ACTN4: variants seen among roughly 807,000 people sequenced by gnomAD.
The protein encoded by ACTN4 is actinin alpha 4, also known as alpha-actinin-4.
A neutral mutation model predicts 114.2 loss-of-function variants in ACTN4; 18 were observed. The ratio of observed to expected loss-of-function variants is 0.16; its 90% CI spans 0.11 to 0.23. ACTN4 has a LOEUF of 0.23. Among genes scored for constraint, ACTN4 ranks in the 10% least tolerant of loss-of-function variants. The pLI is 1.00. For synonymous variants in ACTN4, 515 were observed against 506.3 expected, an observed-to-expected ratio of 1.02 and a Z score of -0.23; for missense variants, 722 against 1,262.9, an observed-to-expected ratio of 0.57 and a Z score of 6.49.
chr19:38,721,076 C>G (rs1969023393), intron 11 of ACTN4, among the ~76,000 whole-genome samples: 1 of 152,248 alleles, frequency 6.6e-6, no homozygotes, highest in African/African-American at 2.4e-5. Context: ...GAGAGGACCA[C>G]CACCTGTGCG....
At chr19:38,701,266 C>T in intron 3 of ACTN4, 145 bp downstream of exon 3, 1 of 1,352,590 alleles carries the variant, frequency 7.4e-7, no homozygotes, top group Non-Finnish European at 1.0e-6. Context: ...CAGCAGTGAT[C>T]ACAACAACTG....
intron 1 of ACTN4, among the ~76,000 whole-genome samples, chr19:38,655,784 C>G (rs1177073457): frequency 6.6e-6 from 1 of 152,204 alleles, no homozygotes; most frequent in Non-Finnish European, 1.5e-5. Context: ...CACAGATGCT[C>G]AAGTTCCTTA....
At chr19:38,703,685 G>A (rs997369938) in intron 3 of ACTN4, among the ~76,000 whole-genome samples, 3 of 152,156 alleles carry the variant, frequency 2.0e-5, no homozygotes, top group African/African-American at 4.8e-5. Context: ...GAGCAGCCCC[G>A]CCCTCACGAG....
rs755318100 is a variant in ACTN4, at chr19:38,717,932, C to G, written c.1149C>G (p.Ile383Met). 2 of 1,599,440 alleles carry G rather than the reference C, an allele frequency of 1.3e-6. No homozygotes were observed. The highest frequency in any genetic ancestry group is 1.7e-6 in the Non-Finnish European group (2 of 1,172,614). ...CTGCTCCTGCCCTGCCCCAGGACAT[C>G]AACAATGGCTGGCAGCACTTGGAGC... ...MPSEGKMVSD[I>M]NNGWQHLEQA... Residue 383 changes from isoleucine to methionine, a missense_variant, in exon 11 of 21, where the codon ATC becomes ATG. Physicochemically the swap from Ile to Met is conservative, Grantham distance 10 (BLOSUM62 1). Around this residue, in one of 3 missense-constraint regions of ACTN4, gnomAD observed 523 missense variants for 875.9 expected, o/e 0.60. Coordinates refer to ENST00000252699, the MANE Select transcript of ACTN4 (RefSeq NM_004924.6). This position sits in a 1 kb window ranked among gnomAD's most constrained non-coding sequence, Gnocchi z 4.0.
chr19:38,649,297 T>G, intron 1 of ACTN4, among the ~76,000 whole-genome samples: 1 of 76,130 alleles, frequency 1.3e-5, no homozygotes, highest in Admixed American at 1.9e-4. Context: ...TCCAGTGTGG[T>G]TGAGGGGGGA....
chr19:38,663,042 TG>T (rs1485880465), intron 1 of ACTN4, among the ~76,000 whole-genome samples: 1 of 152,050 alleles, frequency 6.6e-6, no homozygotes, highest in East Asian at 1.9e-4. Flanking sequence ...CCCAAGTAGC[TG>T]GGATTACAGG....
chr19:38,666,107 G>T (rs115125903), intron 1 of ACTN4, among the ~76,000 whole-genome samples: 7,425 of 152,134 alleles, frequency 0.049, 203 homozygotes, highest in Middle Eastern at 0.075. Flanking sequence ...CCCCTTCCAG[G>T]CCTCTTCCCA....
intron 8 of ACTN4, among the ~76,000 whole-genome samples, chr19:38,710,672 G>C (rs551128480): frequency 3.9e-5 from 6 of 152,226 alleles, no homozygotes; most frequent in Non-Finnish European, 8.8e-5. Flanking sequence ...GGGGCCAGAT[G>C]GGGGACAGAG....
intron 3 of ACTN4, among the ~76,000 whole-genome samples, chr19:38,701,336 G>C (rs192857881): frequency 6.6e-6 from 1 of 152,118 alleles, no homozygotes. Flanking sequence ...TCCGGTGGGC[G>C]CAGTCCAAAT....
At chr19:38,720,037 T>C (rs904662585) in intron 11 of ACTN4, among the ~76,000 whole-genome samples, 2 of 152,230 alleles carry the variant, frequency 1.3e-5, no homozygotes, top group African/African-American at 4.8e-5. Flanking sequence ...GCTGGCCTAC[T>C]AATTCCCAAG....
At chr19:38,690,047 G>T (rs1947138897) in intron 1 of ACTN4, among the ~76,000 whole-genome samples, 2 of 152,328 alleles carry the variant, frequency 1.3e-5, no homozygotes, top group East Asian at 1.9e-4. Flanking sequence ...TAGGTTAAAA[G>T]CAGGAGGTAA....
intron 3 of ACTN4, among the ~76,000 whole-genome samples, chr19:38,702,505 C>T (rs963500994): frequency 1.3e-5 from 2 of 152,198 alleles, no homozygotes; most frequent in African/African-American, 2.4e-5. Context: ...CTCTCCTCAC[C>T]GGAACTCCAT....
At chr19:38,725,307 G>A (rs1352503541) in intron 16 of ACTN4, among the ~76,000 whole-genome samples, 1 of 152,174 alleles carries the variant, frequency 6.6e-6, no homozygotes, top group Admixed American at 6.5e-5. Context: ...ACTTGTGGGT[G>A]CCGAGACATG....
chr19:38,667,813 G>T (rs182539812), intron 1 of ACTN4, among the ~76,000 whole-genome samples: 22 of 152,074 alleles, frequency 1.4e-4, no homozygotes, highest in African/African-American at 4.8e-4. Flanking sequence ...GAGCGTCCCT[G>T]AAAAAAGGAC....
At chr19:38,700,883 C>T in intron 2 of ACTN4, 119 bp from the exon 3 acceptor site, 3 of 1,479,018 alleles carry the variant, frequency 2.0e-6, no homozygotes, top group Non-Finnish European at 2.8e-6. Flanking sequence ...GCCTGGTGGG[C>T]CAGCAGAGGA....
chr19:38,698,627 G>C (rs945283278), intron 1 of ACTN4, among the ~76,000 whole-genome samples: 3 of 152,224 alleles, frequency 2.0e-5, no homozygotes, highest in Non-Finnish European at 4.4e-5. Flanking sequence ...CCTGACTTTT[G>C]AGGGGTGCCC....
Position 38,721,576 on chromosome 19 carries a change from G to T in ACTN4, c.1330G>T (p.Ala444Ser), listed in dbSNP as rs778736414. The T allele has an allele frequency of 6.2e-7, 1 of 1,614,060 alleles. No homozygotes were observed. The highest frequency in any genetic ancestry group is 2.2e-5 in the East Asian group (1 of 44,878). The change falls in exon 12 of 21, where the codon GCC (alanine) becomes TCC (serine). Residue 444 changes from alanine (A) to serine (S), a missense_variant. By Grantham distance (99) the Ala-to-Ser change is moderately conservative (BLOSUM62 1). This residue lies in a region of ACTN4 where 523 missense variants were observed against 875.9 expected (regional missense o/e 0.60). Transcript: ENST00000252699. ...AMLKHRDYET[A>S]TLSDIKALIR... ...GCTGAAGCACCGGGACTACGAGACG[G>T]CCACACTATCGGACATCAAAGCCCT...
chr19:38,701,198 G>A (rs892853860), intron 3 of ACTN4, 77 bp downstream of exon 3: 23 of 1,602,180 alleles, frequency 1.4e-5, no homozygotes, highest in African/African-American at 2.7e-5. Context: ...TCTGCATCCT[G>A]AAGAGAAGTT....
chr19:38,696,352 A>T (rs1249120227), intron 1 of ACTN4, among the ~76,000 whole-genome samples: 1 of 152,024 alleles, frequency 6.6e-6, no homozygotes, highest in Non-Finnish European at 1.5e-5. Flanking sequence ...GGGCATCATG[A>T]GGTCGGCTGC....
Sources: gnomAD v4.1 joint callset for allele counts (sites outside exome capture counted in the v4.1 genomes callset) on GRCh38, gnomAD v4.1.1 for gene constraint, gnomAD v4.1.1 regional missense constraint, Gnocchi (gnomAD v3.1) non-coding constraint, MANE v1.5 for transcripts, NCBI Gene and HGNC (gene_info 2026-07-23, HGNC 2026-07-21) for gene names.